APCDD1: variants seen among roughly 807,000 people sequenced by gnomAD.
APCDD1 encodes APC down-regulated 1.
A neutral mutation model predicts 38.1 loss-of-function variants in APCDD1; 15 were observed. The ratio of observed to expected loss-of-function variants is 0.39; its 90% CI spans 0.26 to 0.61. The LOEUF is 0.61. APCDD1 is among the 20% of genes least tolerant of loss of function. The probability of loss-of-function intolerance (pLI) is 0.49; values close to 1 mark genes in which losing one functional copy is unlikely to be tolerated. For synonymous variants in APCDD1, 261 were observed against 279.7 expected (o/e 0.93, Z 0.67); for missense variants, 647 against 696.2 (o/e 0.93, Z 0.79).
intron 1 of APCDD1, among the ~76,000 whole-genome samples, chr18:10,456,921 A>G (rs2030396363): frequency 6.6e-6 from 1 of 152,246 alleles, no homozygotes; most frequent in Admixed American, 6.5e-5. Context: ...ATGGGAGCAC[A>G]GTGGAGACAG....
chr18:10,474,871 AG>A, intron 3 of APCDD1, among the ~76,000 whole-genome samples: 1 of 152,236 alleles, frequency 6.6e-6, no homozygotes, highest in African/African-American at 2.4e-5. Context: ...TGGCAATTAA[AG>A]ACAGCAATTG....
intron 4 of APCDD1, 82 bp from the exon 5 acceptor site, chr18:10,487,508 G>A (rs566310523): frequency 7.3e-7 from 1 of 1,373,058 alleles, no homozygotes; most frequent in Non-Finnish European, 1.0e-6. Flanking sequence ...TCTAGTTAGA[G>A]TGTGGCCAGT....
intron 3 of APCDD1, among the ~76,000 whole-genome samples, chr18:10,479,831 T>A (rs76354940): frequency 0.031 from 4,668 of 152,292 alleles, 89 homozygotes; most frequent in Middle Eastern, 0.068. Context: ...ACTTGTTACC[T>A]GGAGCTAAGC....
chr18:10,457,518 G>C (rs1038721756), intron 1 of APCDD1, among the ~76,000 whole-genome samples: 1 of 152,160 alleles, frequency 6.6e-6, no homozygotes, highest in Admixed American at 6.5e-5. Context: ...CTGATAAATA[G>C]GCATTTTATT....
At position 10,485,865 on chromosome 18, in the gene APCDD1, G is replaced by T; in HGVS notation, c.1096+82G>T. ...TTTGTGGAGGCAGAGCTGAGGGAAA[G>T]GACCTCTTTTCTGCCTGAGTTCCCA... On this transcript the variant is annotated intron_variant, in intron 4 of 4. Coordinates refer to ENST00000355285, the MANE Select transcript of APCDD1 (RefSeq NM_153000.5). The surrounding 1 kb of genome is among the most constrained non-coding windows in gnomAD (Gnocchi z 5.8). The T allele has an allele frequency of 6.8e-7, 1 of 1,474,998 alleles. No individual in the cohort carries two copies. Among genetic ancestry groups the T allele is most frequent in the Non-Finnish European group, 9.3e-7 (1 of 1,080,602 alleles). The allele number at this position is 1,474,998 out of a possible 1,614,324, so 91.4% of individuals were successfully genotyped here. A position where few individuals can be genotyped will look rare whatever the true frequency, so the allele number is the denominator to read the frequency against.
intron 3 of APCDD1, among the ~76,000 whole-genome samples, chr18:10,479,113 G>A (rs2031075771): frequency 6.6e-6 from 1 of 152,224 alleles, no homozygotes; most frequent in Non-Finnish European, 1.5e-5. Flanking sequence ...CGAGAAGGAT[G>A]TACCTGCAGG....
intron 1 of APCDD1, among the ~76,000 whole-genome samples, chr18:10,468,160 C>A (rs2030761190): frequency 6.6e-6 from 1 of 152,216 alleles, no homozygotes; most frequent in Non-Finnish European, 1.5e-5. Flanking sequence ...GATGCACAAC[C>A]TTCATTGTTG....
chr18:10,471,716 C>T lies in APCDD1; in HGVS notation c.429C>T (p.Ala143=), dbSNP rs762114266. ...ASWIIRGGTE[A]DYQLHNVQVI... is the part of the protein sequence containing the mutation. ...GGATCATCCGAGGGGGCACGGAAGC[C>T]GACTACCAGCTGCACAACGTCCAGG... The change falls in exon 3 of 5, where the codon GCC becomes GCT. Residue 143 remains alanine, a synonymous_variant. Transcript: ENST00000355285. The surrounding 1 kb of genome is among the most constrained non-coding windows in gnomAD (Gnocchi z 5.5). 134 of 1,614,006 alleles carry T rather than the reference C, an allele frequency of 8.3e-5. 2 individuals are homozygous for T. The South Asian group carries it at 9.7e-4, about 12-fold the overall frequency.
At position 10,475,988 on chromosome 18, in the gene APCDD1, C is replaced by T. The variant is rs2030990684; in HGVS notation, c.774+3927C>T. 1 of 152,238 alleles carries T rather than the reference C, an allele frequency of 6.6e-6. No individual in the cohort carries two copies. The highest frequency in any genetic ancestry group is 1.5e-5 in the Non-Finnish European group (1 of 68,066). 9.4% of individuals were successfully genotyped at this position (152,238 alleles called of 1,614,324 possible). A position where few individuals can be genotyped will look rare whatever the true frequency, so the allele number is the denominator to read the frequency against. Reference sequence around the variant, plus strand: ...ATTGGTGTCTTTCCAGACCCGGGCACCAGAAAGACTGGGCACTGTGTGCCC... The same window carrying T: ...ATTGGTGTCTTTCCAGACCCGGGCATCAGAAAGACTGGGCACTGTGTGCCC... On this transcript the variant is annotated intron_variant, in intron 3 of 4. Transcript: ENST00000355285. The surrounding 1 kb of genome is among the most constrained non-coding windows in gnomAD (Gnocchi z 4.0).
intron 1 of APCDD1, among the ~76,000 whole-genome samples, chr18:10,460,229 G>T (rs2030498247): frequency 6.6e-6 from 1 of 152,200 alleles, no homozygotes. Flanking sequence ...TTAAAACTTT[G>T]TTGAGGACGG....
chr18:10,459,339 C>CACAG (rs1399337571), intron 1 of APCDD1, among the ~76,000 whole-genome samples: 2 of 151,924 alleles, frequency 1.3e-5, no homozygotes, highest in African/African-American at 2.4e-5. Flanking sequence ...CACACACACA[C>CACAG]AGACCACAAC....
rs1386488548 is a variant in APCDD1 at position 10,471,316 on chromosome 18, AG to A, written c.243-213del. Among the ~76,000 whole-genome samples the A allele has an allele frequency of 3.9e-5, 6 of 152,170 alleles. No homozygotes were observed. Among genetic ancestry groups the A allele is most frequent in the Non-Finnish European group, 5.9e-5 (4 of 68,020 alleles). ...GCTCTTGGGCATGTTCCCTAACCTC[AG>A]TTTCCCCACCTGTAAAACCTGGGTG... On this transcript the variant is annotated intron_variant, in intron 2 of 4. Transcript: ENST00000355285. This position sits in a 1 kb window ranked among gnomAD's most constrained non-coding sequence, Gnocchi z 5.5.
intron 3 of APCDD1, among the ~76,000 whole-genome samples, chr18:10,480,527 C>T (rs976724867): frequency 1.3e-5 from 2 of 152,088 alleles, no homozygotes; most frequent in Non-Finnish European, 2.9e-5. Context: ...ATTGTCCCCT[C>T]GTTGACAGTA....
At chr18:10,483,445 G>C (rs2031183832) in intron 3 of APCDD1, among the ~76,000 whole-genome samples, 1 of 152,230 alleles carries the variant, frequency 6.6e-6, no homozygotes, top group Admixed American at 6.5e-5. Flanking sequence ...AACCATGTTA[G>C]CAAAGGAAAC....
At chr18:10,460,540 AAAAAAC>A (rs2030511886) in intron 1 of APCDD1, among the ~76,000 whole-genome samples, 1 of 151,896 alleles carries the variant, frequency 6.6e-6, no homozygotes, top group Non-Finnish European at 1.5e-5. Flanking sequence ...CTCAAAAAAA[AAAAAAC>A]AAAAAACAAA....
chr18:10,478,258 C>T (rs1016680323), intron 3 of APCDD1, among the ~76,000 whole-genome samples: 6 of 152,228 alleles, frequency 3.9e-5, no homozygotes, highest in African/African-American at 4.8e-5. Flanking sequence ...GTGCAGCCTC[C>T]CTGAGGCTCT....
In APCDD1 at chr18:10,470,642, C is replaced by T. The variant is rs575962923; in HGVS notation, c.243-888C>T. Among the ~76,000 whole-genome samples the T allele has an allele frequency of 6.6e-6, 1 of 152,162 alleles. No individual in the cohort carries two copies. Among genetic ancestry groups the T allele is most frequent in the Non-Finnish European group, 1.5e-5 (1 of 68,026 alleles). The stretch of plus-strand genomic sequence containing the variant: ...AGAATTGATGAGCTGAAAGTCATGG[C>T]GTAACTGAGACTAGGAGCTAACAAA... On this transcript the variant is annotated intron_variant, in intron 2 of 4. Transcript: ENST00000355285. The surrounding 1 kb of genome is among the most constrained non-coding windows in gnomAD (Gnocchi z 4.1).
chr18:10,483,100 T>A (rs935533330), intron 3 of APCDD1, among the ~76,000 whole-genome samples: 5 of 152,218 alleles, frequency 3.3e-5, no homozygotes, highest in African/African-American at 1.2e-4. Context: ...AATGAGGAAG[T>A]TGAAATGGAG....
At chr18:10,463,925 A>T (rs1475931068) in intron 1 of APCDD1, among the ~76,000 whole-genome samples, 3 of 152,238 alleles carry the variant, frequency 2.0e-5, no homozygotes, top group Non-Finnish European at 2.9e-5. Flanking sequence ...GGGGTTCTCC[A>T]TCTGGCCGCT....
Sources: allele counts gnomAD v4.1 joint callset (sites outside exome capture counted in the v4.1 genomes callset), GRCh38; gene constraint gnomAD v4.1.1; non-coding constraint Gnocchi (gnomAD v3.1); transcripts MANE v1.5; gene names NCBI Gene and HGNC (gene_info 2026-07-23, HGNC 2026-07-21).